COG6: variants seen among roughly 807,000 people sequenced by gnomAD.
COG6 encodes the protein conserved oligomeric Golgi complex subunit 6.
COG6 carries 74 observed loss-of-function variants against 88.8 expected under a neutral mutation model. The observed-to-expected ratio is 0.83, with a 90% CI of 0.69 to 1.01. The LOEUF (loss-of-function observed/expected upper bound fraction) is 1.01. Among genes scored for constraint, COG6 ranks in the 50% least tolerant of loss-of-function variants. The pLI is 0.00. For synonymous variants in COG6, 286 were observed against 278.7 expected, an observed-to-expected ratio of 1.03 and a Z score of -0.26; for missense variants, 800 against 797.9, an observed-to-expected ratio of 1.00 and a Z score of -0.03.
At chr13:39,713,588 T>G (rs1878361443) in intron 13 of COG6, among the ~76,000 whole-genome samples, 2 of 151,834 alleles carry the variant, frequency 1.3e-5, no homozygotes, top group African/African-American at 2.4e-5. Flanking sequence ...ACAAAAAAAT[T>G]AGCCGGGCAT....
At chr13:39,728,920 C>T (rs1003064914) in intron 18 of COG6, among the ~76,000 whole-genome samples, 4 of 152,248 alleles carry the variant, frequency 2.6e-5, no homozygotes, top group African/African-American at 9.6e-5. Context: ...GCCTCGGCCT[C>T]CCAAAGTGCT....
chr13:39,705,551 A>G (rs1298679936), intron 13 of COG6, among the ~76,000 whole-genome samples: 1 of 152,154 alleles, frequency 6.6e-6, no homozygotes, highest in African/African-American at 2.4e-5. Context: ...ATTTCTCACT[A>G]TAGTAATAGT....
intron 4 of COG6, 36 bp downstream of exon 4, chr13:39,665,190 T>C: frequency 8.7e-7 from 1 of 1,155,088 alleles, no homozygotes. Flanking sequence ...TTTTCAATAA[T>C]TTGGAGATTG....
chr13:39,784,861 C>G (rs1208054287), intron 18 of COG6, among the ~76,000 whole-genome samples: 1 of 152,140 alleles, frequency 6.6e-6, no homozygotes, highest in African/African-American at 2.4e-5. Context: ...TGGGGACAGT[C>G]TGGTAGCCTG....
rs1874467543 is a variant in COG6 at position 39,656,056 on chromosome 13, G to A, written c.153+177G>A. On this transcript the variant is annotated intron_variant, in intron 1 of 18. Coordinates refer to ENST00000455146, the MANE Select transcript of COG6 (RefSeq NM_020751.3). ...GGGCGCCGGGGGCGGTGAGAAGGGG[G>A]AGCCCCAGCAACCTCCGGAAAAGCG... 1.4e-5 allele frequency: 11 copies of A among 806,258 alleles called. No homozygotes were observed. The South Asian group carries it at 1.6e-4, about 12-fold the overall frequency. The allele number at this position is 806,258 out of a possible 1,614,324, so 49.9% of individuals were successfully genotyped here. A position where few individuals can be genotyped will look rare whatever the true frequency, so the allele number is the denominator to read the frequency against.
chr13:39,689,657 C>A, intron 10 of COG6, 103 bp from the exon 11 acceptor site: 2 of 708,554 alleles, frequency 2.8e-6, no homozygotes, highest in South Asian at 1.8e-5. Flanking sequence ...GTCATTAGTG[C>A]CATTAATTAT....
At chr13:39,684,873 A>G (rs1876547745) in intron 8 of COG6, among the ~76,000 whole-genome samples, 1 of 152,220 alleles carries the variant, frequency 6.6e-6, no homozygotes, top group Non-Finnish European at 1.5e-5. Flanking sequence ...AGTGTTTCTT[A>G]TGTGGTGTAT....
At chr13:39,791,337 A>T (rs1881931905) in exon 19 of COG6, 1 of 152,070 alleles carries the variant, frequency 6.6e-6, no homozygotes, top group South Asian at 2.1e-4. Context: ...TTCTCTTTCG[A>T]CTAATTAATA....
chr13:39,702,585 T>G (rs12858807), intron 13 of COG6, among the ~76,000 whole-genome samples: 1,696 of 152,132 alleles, frequency 0.011, 17 homozygotes, highest in Middle Eastern at 0.024. Context: ...TAAAGAGAGA[T>G]AAAACTAACA....
chr13:39,733,338 C>T lies in COG6; in HGVS notation c.1826+5790C>T, dbSNP rs569883487. 2.6e-5 allele frequency among the ~76,000 whole-genome samples: 4 copies of T among 151,792 alleles called. No individual in the cohort carries two copies. The East Asian group carries it at 5.8e-4, about 22-fold the overall frequency. ...CCTGAGTAGGTGGGAATATGGACACCTGCCAATGTGCCCGGCTAATTTTTG... is the reference window on the plus strand; with the variant it reads ...CCTGAGTAGGTGGGAATATGGACACTTGCCAATGTGCCCGGCTAATTTTTG... On this transcript the variant is annotated intron_variant, in intron 18 of 18. Transcript: ENST00000455146.
chr13:39,704,269 C>T (rs956602667), intron 13 of COG6, among the ~76,000 whole-genome samples: 2 of 152,078 alleles, frequency 1.3e-5, no homozygotes, highest in African/African-American at 4.8e-5. Context: ...ATGATGCTGA[C>T]CCCTGTGAAG....
intron 4 of COG6, among the ~76,000 whole-genome samples, chr13:39,669,675 C>G (rs1875501858): frequency 6.6e-6 from 1 of 152,138 alleles, no homozygotes; most frequent in Non-Finnish European, 1.5e-5. Flanking sequence ...ATATGGGGCT[C>G]TAAATAATGT....
chr13:39,660,855 T>C lies in COG6; in HGVS notation c.343T>C (p.Cys115Arg). Residue 115 changes from cysteine to arginine, a missense_variant, in exon 3 of 19, where the codon TGT becomes CGT. Physicochemically the swap from Cys to Arg is radical, Grantham distance 180. Coordinates refer to ENST00000455146, the MANE Select transcript of COG6 (RefSeq NM_020751.3). ...AGATGTTCAAGCAATGAGCAACTGT[T>C]GTCAAGATATGACAAGTCGCCTACA... ...SEDVQAMSNCCQDMTSRLQAA... is the reference protein window; with the variant it reads ...SEDVQAMSNCRQDMTSRLQAA... The C allele has an allele frequency of 6.2e-7, 1 of 1,609,464 alleles. No homozygotes were observed. The highest frequency in any genetic ancestry group is 8.5e-7 in the Non-Finnish European group (1 of 1,176,392).
intron 18 of COG6, among the ~76,000 whole-genome samples, chr13:39,757,872 G>A (rs938620949): frequency 6.6e-6 from 1 of 152,074 alleles, no homozygotes; most frequent in Non-Finnish European, 1.5e-5. Context: ...GTTCAAACCC[G>A]TATTGCTCAA....
intron 18 of COG6, among the ~76,000 whole-genome samples, chr13:39,739,678 A>G (rs1337558142): frequency 6.6e-6 from 1 of 152,178 alleles, no homozygotes; most frequent in African/African-American, 2.4e-5. Flanking sequence ...TTGAAAATCT[A>G]CAGCAAACAT....
chr13:39,671,285 T>G (rs1041589410), intron 4 of COG6, among the ~76,000 whole-genome samples: 2 of 151,998 alleles, frequency 1.3e-5, no homozygotes, highest in African/African-American at 4.8e-5. Flanking sequence ...AAGTTGGGTT[T>G]GGAGATGGTA....
At chr13:39,745,013 G>T (rs1240590959) in intron 18 of COG6, among the ~76,000 whole-genome samples, 1 of 152,170 alleles carries the variant, frequency 6.6e-6, no homozygotes, top group Non-Finnish European at 1.5e-5. Flanking sequence ...TTTAATAAAT[G>T]GTACTGGGAA....
chr13:39,720,189 A>G (rs547559208), intron 15 of COG6, among the ~76,000 whole-genome samples: 4 of 152,260 alleles, frequency 2.6e-5, no homozygotes, highest in East Asian at 1.9e-4. Context: ...ATAATATGCT[A>G]TATTTTTCAA....
chr13:39,752,937 T>A (rs561834023), downstream of COG6, among the ~76,000 whole-genome samples: 3 of 152,312 alleles, frequency 2.0e-5, no homozygotes, highest in Non-Finnish European at 2.9e-5. Flanking sequence ...AGGAAAGGTG[T>A]TTGAATGGCA....
Sources: gnomAD v4.1 joint callset for allele counts (sites outside exome capture counted in the v4.1 genomes callset) on GRCh38, gnomAD v4.1.1 for gene constraint, MANE v1.5 for transcripts, NCBI Gene and HGNC (gene_info 2026-07-23, HGNC 2026-07-21) for gene names.